The following SLC19A1 variants were observed in gnomAD, a reference collection of about 807,000 sequenced individuals.
SLC19A1 encodes the protein solute carrier family 19 member 1.
Under a neutral mutation model 35.3 loss-of-function variants are expected in SLC19A1, and 37 were observed. The observed-to-expected ratio is 1.05, with a 90% confidence interval of 0.81 to 1.38. SLC19A1 has a LOEUF of 1.38. Ranked by LOEUF, SLC19A1 falls within the 40% of genes most tolerant of loss-of-function variation. The pLI, the probability that SLC19A1 is intolerant of heterozygous loss-of-function variation, is 0.00. For missense variants in SLC19A1, 831 were observed against 826.9 expected, an observed-to-expected ratio of 1.00 and a Z score of -0.06; for synonymous variants, 460 against 398.5, an observed-to-expected ratio of 1.15 and a Z score of -1.84.
Position 45,505,020 on chromosome 21 carries a change from G to A in SLC19A1, c.498-6408C>T, listed in dbSNP as rs1385870728. Reference sequence around the variant, plus strand: ...TGGCGTGGGCAGGGAGGGGACCGGTGACTCAGAGGCTGCGCTCGCCAAGGG... The same window carrying A: ...TGGCGTGGGCAGGGAGGGGACCGGTAACTCAGAGGCTGCGCTCGCCAAGGG... On this transcript the variant is annotated intron_variant, in intron 3 of 4. Transcript: ENST00000417954. The A allele has an allele frequency of 8.1e-6, 11 of 1,364,604 alleles. 1 individual carries two copies. The South Asian group carries it at 1.1e-4, about 14-fold the overall frequency. The allele number at this position is 1,364,604 out of a possible 1,614,324, so 84.5% of individuals were successfully genotyped here.
intron 1 of SLC19A1, among the ~76,000 whole-genome samples, chr21:45,549,681 G>C (rs1428006950): frequency 1.2e-5 from 1 of 83,826 alleles, no homozygotes; most frequent in Non-Finnish European, 2.5e-5. Flanking sequence ...ACAGGTGGTG[G>C]GGGAGGGGCA....
intron 4 of SLC19A1, 55 bp from the exon 5 acceptor site, chr21:45,526,013 C>G (rs2077603509): frequency 3.1e-6 from 5 of 1,589,942 alleles, no homozygotes; most frequent in Non-Finnish European, 3.4e-6. Flanking sequence ...GCAGCAGCCA[C>G]AGGGAAAAGC....
intron 3 of SLC19A1, among the ~76,000 whole-genome samples, chr21:45,504,871 C>T (rs3753019): frequency 0.3 from 45,778 of 151,910 alleles, 7,180 homozygotes; most frequent in East Asian, 0.46. Flanking sequence ...TGAAAGACTC[C>T]AGAGAGCCAT....
chr21:45,535,594 C>T (rs1452170031), intron 2 of SLC19A1, among the ~76,000 whole-genome samples: 1 of 152,186 alleles, frequency 6.6e-6, no homozygotes, highest in African/African-American at 2.4e-5. Context: ...GTGGGCAGCC[C>T]GTGGCAGGCT....
chr21:45,524,918 G>A (rs114442743), intron 5 of SLC19A1, among the ~76,000 whole-genome samples: 2 of 152,368 alleles, frequency 1.3e-5, no homozygotes, highest in Admixed American at 6.5e-5. Context: ...TGGGTCGGGG[G>A]TGTTGTACCC....
At position 45,516,075 on chromosome 21, in the gene SLC19A1, A is replaced by C. The variant is rs760841601; in HGVS notation, c.1359T>G (p.Asp453Glu). The change falls in exon 6 of 6, where the codon GAT (aspartate) becomes GAG (glutamate). Residue 453 changes from aspartate to glutamate, a missense_variant. Transcript: ENST00000311124. ...GGCCCCGCTGGCAGTGCCGCAGGCC[A>C]TCCAGCATGGCCCCCAAGAAGTAGA... ...SIIYFLGAMLDGLRHCQRGHH... is the reference protein window; with the variant it reads ...SIIYFLGAMLEGLRHCQRGHH... 6.3e-7 allele frequency: 1 copy of C among 1,597,998 alleles called. No homozygotes were observed. Among genetic ancestry groups the C allele is most frequent in the Non-Finnish European group, 8.5e-7 (1 of 1,174,170 alleles).
Position 45,537,845 on chromosome 21 carries a change from C to T in SLC19A1, c.115G>A (p.Ala39Thr). The part of the protein sequence containing the change: ...VCYLCFYGFM[A>T]QIRPGESFIT... The stretch of plus-strand genomic sequence containing the variant: ...AAGCTCTCCCCTGGCCGTATCTGCG[C>T]CATGAAGCCGTAGAAGCAAAGGTAG... Residue 39 changes from alanine to threonine, a missense_variant, in exon 2 of 6, where the codon GCG becomes ACG. By Grantham distance (58) the Ala-to-Thr change is moderately conservative. Transcript: ENST00000311124. 1 of 1,608,358 alleles carries T rather than the reference C, an allele frequency of 6.2e-7. No homozygotes were observed. The highest frequency in any genetic ancestry group is 8.5e-7 in the Non-Finnish European group (1 of 1,178,710).
chr21:45,518,068 A>G (rs918806213), intron 5 of SLC19A1, among the ~76,000 whole-genome samples: 2 of 152,262 alleles, frequency 1.3e-5, no homozygotes, highest in Non-Finnish European at 2.9e-5. Context: ...AGACAGTAGA[A>G]TTCGCCAAGA....
At chr21:45,509,451 CTGGCGGGCA>C, downstream of SLC19A1, 1 of 1,534,992 alleles carries the variant, frequency 6.5e-7, no homozygotes, top group Non-Finnish European at 8.7e-7. Flanking sequence ...CCGCGCGGCC[CTGGCGGGCA>C]GATGACATCC....
intron 4 of SLC19A1, among the ~76,000 whole-genome samples, chr21:45,528,136 A>G (rs1375991671): frequency 6.6e-6 from 1 of 151,840 alleles, no homozygotes; most frequent in African/African-American, 2.4e-5. Flanking sequence ...GGACGAGAGA[A>G]GCACACAGAG....
chr21:45,512,151 G>C (rs767315562), downstream of SLC19A1: 2 of 1,591,104 alleles, frequency 1.3e-6, no homozygotes, highest in South Asian at 1.1e-5. Flanking sequence ...AAGCAGAGCA[G>C]GTCTGGGTTT....
At chr21:45,510,141 G>GTGCTTC, downstream of SLC19A1, 1 of 1,599,354 alleles carries the variant, frequency 6.3e-7, no homozygotes, top group Non-Finnish European at 8.5e-7. Context: ...AGTGCTTCCA[G>GTGCTTC]CAGGCGCGGG....
rs1323542942 is a variant in SLC19A1, at chr21:45,533,190, T to A, written c.190-1042A>T. The stretch of plus-strand genomic sequence containing the variant: ...ATCACATGTTATGTGGGAACCCAGC[T>A]CCACAGCCTTGGCCACTGAGCTGCT... On this transcript the variant is annotated intron_variant, in intron 2 of 5. Coordinates refer to ENST00000311124, the MANE Select transcript of SLC19A1 (RefSeq NM_194255.4). This position sits in a 1 kb window ranked among gnomAD's most constrained non-coding sequence, Gnocchi z 4.5. Among the ~76,000 whole-genome samples, 1 of 152,140 alleles carries A rather than the reference T, an allele frequency of 6.6e-6. No individual in the cohort carries two copies. Among genetic ancestry groups the A allele is most frequent in the Non-Finnish European group, 1.5e-5 (1 of 68,006 alleles).
At position 45,531,654 on chromosome 21, in the gene SLC19A1, C is replaced by T; in HGVS notation, c.684G>A (p.Glu228=). ...TCCCGCCTGGGCCAGGATTCATGCG[C>T]TCCAGCTCCGAAGCCGAGGTTTCGC... is the stretch of plus-strand genomic sequence containing the variant. ...GRCETSASEL[E]RMNPGPGGKL... The change falls in exon 3 of 6, where the codon GAG becomes GAA. Residue 228 remains glutamate, a synonymous_variant. Coordinates refer to ENST00000311124, the MANE Select transcript of SLC19A1 (RefSeq NM_194255.4). 1.4e-5 allele frequency: 22 copies of T among 1,612,300 alleles called. No homozygotes were observed. The highest frequency in any genetic ancestry group is 1.8e-5 in the Non-Finnish European group (21 of 1,179,766).
At chr21:45,507,341 G>A in intron 3 of SLC19A1, 2 of 622,512 alleles carry the variant, frequency 3.2e-6, no homozygotes, top group South Asian at 3.5e-5. Flanking sequence ...GCCGGGTGCT[G>A]GGCAGGGAGG....
chr21:45,557,353 C>G (rs1372025695), intron 1 of SLC19A1, among the ~76,000 whole-genome samples: 2 of 152,230 alleles, frequency 1.3e-5, no homozygotes, highest in African/African-American at 4.8e-5. Context: ...TAGCCCGTGC[C>G]ACATTCTCCT....
intron 1 of SLC19A1, among the ~76,000 whole-genome samples, chr21:45,552,942 T>G (rs888567613): frequency 1.3e-5 from 2 of 151,970 alleles, no homozygotes; most frequent in Admixed American, 6.5e-5. Context: ...CCCAGGGCAG[T>G]GCCAGCCCCA....
At position 45,506,003 on chromosome 21, in the gene SLC19A1, A is replaced by G. The variant is rs1568944568; in HGVS notation, c.498-7391T>C. The G allele has an allele frequency of 1.9e-6, 3 of 1,612,454 alleles. No individual in the cohort carries two copies. The East Asian group carries it at 6.7e-5, about 36-fold the overall frequency. ...GTGTGACGGGTTCTGGACCCGTGGA[A>G]GGGCCGAAGCCGCCTCCTGGGGCTT... On this transcript the variant is annotated intron_variant, in intron 3 of 4. Transcript: ENST00000417954.
intron 5 of SLC19A1, among the ~76,000 whole-genome samples, chr21:45,519,250 T>A (rs998377823): frequency 2.6e-5 from 4 of 152,032 alleles, no homozygotes; most frequent in African/African-American, 4.8e-5. Context: ...AGTAACCCAC[T>A]GGAAGCTGCA....
Sources: gnomAD v4.1 joint callset for allele counts (sites outside exome capture counted in the v4.1 genomes callset) on GRCh38, gnomAD v4.1.1 for gene constraint, Gnocchi (gnomAD v3.1) non-coding constraint, MANE v1.5 for transcripts, NCBI Gene and HGNC (gene_info 2026-07-23, HGNC 2026-07-21) for gene names.